The following RAB3GAP2 variants were observed in gnomAD, a reference collection of about 807,000 sequenced individuals.
The protein encoded by RAB3GAP2 is rab3 GTPase-activating protein non-catalytic subunit.
In RAB3GAP2, 87 loss-of-function variants were observed where a neutral mutation model predicts 185.3. The observed-to-expected ratio is 0.47, with a 90% CI of 0.39 to 0.56. The LOEUF is 0.56. Ranked by LOEUF, RAB3GAP2 falls within the 20% of genes least tolerant of loss-of-function variation. RAB3GAP2 has a pLI of 0.00. For missense variants in RAB3GAP2, 1,492 were observed against 1,638.2 expected (o/e 0.91, Z 1.54); for synonymous variants, 554 against 576.1 (o/e 0.96, Z 0.55).
In RAB3GAP2 at chr1:220,171,995, A is replaced by G. The variant is rs1658187397; in HGVS notation, c.2471T>C (p.Met824Thr). 6.2e-7 allele frequency: 1 copy of G among 1,614,076 alleles called. No homozygotes were observed. The highest frequency in any genetic ancestry group is 1.3e-5 in the African/African-American group (1 of 74,936). The change falls in exon 23 of 35, where the codon ATG becomes ACG. Residue 824 changes from methionine to threonine, a missense_variant. Met to Thr is a moderately conservative substitution (Grantham distance 81). Around this residue, in one of 5 missense-constraint regions of RAB3GAP2, gnomAD observed 681 missense variants for 689.1 expected, o/e 0.99. Coordinates refer to ENST00000358951, the MANE Select transcript of RAB3GAP2 (RefSeq NM_012414.4). ...CTCAGACTGAATACAGGCTGTGCGC[A>G]TCTGCTGCCACCATGGGGACACAGA... ...SQSVSPWWQQ[M>T]RTACIQSENN...
intron 9 of RAB3GAP2, among the ~76,000 whole-genome samples, chr1:220,197,384 G>A (rs987109467): frequency 1.3e-5 from 2 of 152,050 alleles, no homozygotes; most frequent in East Asian, 3.9e-4. Context: ...AAATGCATTC[G>A]TCCTTAAGAC....
rs1288586478 is a variant in RAB3GAP2 at position 220,164,669 on chromosome 1, T to A, written c.3154+64A>T. The A allele has an allele frequency of 2.1e-5, 32 of 1,555,074 alleles. 2 individuals carry two copies. The South Asian group carries it at 3.1e-4, about 15-fold the overall frequency. ...TAGGTTGTAAATCTTTAAATTCACATCCTGTTAAATCAGGAAGCCTCTTTT... is the reference window on the plus strand; with the variant it reads ...TAGGTTGTAAATCTTTAAATTCACAACCTGTTAAATCAGGAAGCCTCTTTT... On this transcript the variant is annotated intron_variant, in intron 27 of 34. Transcript: ENST00000358951.
chr1:220,238,583 A>G (rs1353486179), intron 1 of RAB3GAP2, among the ~76,000 whole-genome samples: 1 of 152,202 alleles, frequency 6.6e-6, no homozygotes, highest in East Asian at 1.9e-4. Flanking sequence ...TGCCTGGCAC[A>G]TAGACACCCT....
chr1:220,169,797 T>C (rs569328597), intron 24 of RAB3GAP2, among the ~76,000 whole-genome samples: 26 of 152,218 alleles, frequency 1.7e-4, no homozygotes, highest in Non-Finnish European at 2.8e-4. Context: ...TTTATGGTAC[T>C]AAAAATTAAA....
intron 1 of RAB3GAP2, among the ~76,000 whole-genome samples, chr1:220,244,384 C>T (rs1310662230): frequency 2.0e-5 from 3 of 152,128 alleles, no homozygotes; most frequent in Non-Finnish European, 2.9e-5. Context: ...AACTACAAAA[C>T]GCTGCTGAAA....
intron 1 of RAB3GAP2, among the ~76,000 whole-genome samples, chr1:220,238,217 T>C (rs1178993289): frequency 2.0e-5 from 3 of 152,080 alleles, no homozygotes; most frequent in African/African-American, 7.2e-5. Flanking sequence ...ATTTTTTTTC[T>C]CTTTTTTTGT....
intron 12 of RAB3GAP2, 125 bp from the exon 13 acceptor site, chr1:220,193,504 C>A: frequency 1.1e-6 from 1 of 917,924 alleles, no homozygotes; most frequent in Non-Finnish European, 1.6e-6. Flanking sequence ...TGAATTTTAC[C>A]TGGATTAATA....
intron 19 of RAB3GAP2, 149 bp downstream of exon 19, chr1:220,183,887 C>G: frequency 1.7e-6 from 1 of 586,350 alleles, no homozygotes; most frequent in Non-Finnish European, 2.9e-6. Context: ...CAGCAAAGCA[C>G]AGAGAGCTAG....
At chr1:220,245,537 A>G (rs1659790303) in intron 1 of RAB3GAP2, among the ~76,000 whole-genome samples, 1 of 152,174 alleles carries the variant, frequency 6.6e-6, no homozygotes, top group Admixed American at 6.5e-5. Context: ...AATCTCGCTG[A>G]TTGCTAGCAC....
intron 17 of RAB3GAP2, among the ~76,000 whole-genome samples, chr1:220,188,119 C>A (rs539774198): frequency 6.7e-4 from 99 of 146,846 alleles, no homozygotes; most frequent in Admixed American, 1.7e-3. Flanking sequence ...AAAAAAAAAA[C>A]CCTACATCTA....
chr1:220,174,920 T>A (rs1281220499), intron 21 of RAB3GAP2, among the ~76,000 whole-genome samples: 1 of 152,194 alleles, frequency 6.6e-6, no homozygotes, highest in African/African-American at 2.4e-5. Context: ...ATCAGGGGAA[T>A]TTCCTCTCTT....
intron 1 of RAB3GAP2, among the ~76,000 whole-genome samples, chr1:220,236,802 T>C (rs1461965202): frequency 6.6e-6 from 1 of 152,244 alleles, no homozygotes; most frequent in African/African-American, 2.4e-5. Flanking sequence ...GATGGTATTC[T>C]TTAATCAATA....
intron 2 of RAB3GAP2, among the ~76,000 whole-genome samples, chr1:220,215,888 A>G (rs544309833): frequency 2.6e-5 from 4 of 152,298 alleles, no homozygotes; most frequent in East Asian, 3.9e-4. Context: ...TAAAAAAATT[A>G]TAATTTCATG....
rs12065227 is a variant in RAB3GAP2, at chr1:220,235,904, C to A, written c.116-3041G>T. On this transcript the variant is annotated intron_variant, in intron 1 of 34. Coordinates refer to ENST00000358951, the MANE Select transcript of RAB3GAP2 (RefSeq NM_012414.4). ...ATGAAGGTTTACCCATTCTCAATGC[C>A]CCTGACTGGAAAGCTTCTTTCAACA... Among the ~76,000 whole-genome samples, 1,387 of 152,214 alleles carry A rather than the reference C, an allele frequency of 9.1e-3. 23 individuals carry two copies. Among genetic ancestry groups the A allele is most frequent in the African/African-American group, 0.031 (1,303 of 41,526 alleles).
intron 33 of RAB3GAP2, 85 bp from the exon 34 acceptor site, chr1:220,151,849 T>C (rs1657763915): frequency 1.5e-5 from 21 of 1,386,028 alleles, no homozygotes; most frequent in Non-Finnish European, 2.1e-5. Flanking sequence ...AGTGAAGAGA[T>C]TCTAGTTGAT....
intron 2 of RAB3GAP2, among the ~76,000 whole-genome samples, chr1:220,222,375 T>G (rs1659324727): frequency 6.6e-6 from 1 of 152,186 alleles, no homozygotes; most frequent in South Asian, 2.1e-4. Context: ...ACAGCACCTC[T>G]GTAGAACCCT....
At chr1:220,232,099 A>C (rs1416202618) in intron 2 of RAB3GAP2, among the ~76,000 whole-genome samples, 4 of 152,212 alleles carry the variant, frequency 2.6e-5, no homozygotes, top group Non-Finnish European at 5.9e-5. Context: ...CAGCATCTAG[A>C]AAAATGCGTA....
intron 14 of RAB3GAP2, 42 bp downstream of exon 14, chr1:220,191,026 T>C (rs763969840): frequency 1.2e-5 from 18 of 1,519,070 alleles, no homozygotes; most frequent in Admixed American, 1.7e-5. Context: ...CATTCCTATA[T>C]TTCATTTTGT....
At chr1:220,267,196 G>A in intron 1 of RAB3GAP2, 1 of 964,410 alleles carries the variant, frequency 1.0e-6, no homozygotes, top group Non-Finnish European at 1.7e-6. Context: ...CAGGGCACTT[G>A]CCAATTCTGT....
Sources: allele counts gnomAD v4.1 joint callset (sites outside exome capture counted in the v4.1 genomes callset), GRCh38; gene constraint gnomAD v4.1.1; regional missense constraint gnomAD v4.1.1; transcripts MANE v1.5; gene names NCBI Gene and HGNC (gene_info 2026-07-23, HGNC 2026-07-21).